The following GBE1 variants were observed in gnomAD, a reference collection of about 807,000 sequenced individuals.
GBE1 encodes the protein 1,4-alpha-glucan branching enzyme 1.
Under a neutral mutation model 88.8 loss-of-function variants are expected in GBE1, and 70 were observed. The ratio of observed to expected loss-of-function variants is 0.79; its 90% CI spans 0.65 to 0.96. The LOEUF (loss-of-function observed/expected upper bound fraction) is 0.96. Among genes scored for constraint, GBE1 ranks in the 40% least tolerant of loss-of-function variants. The pLI, the probability that GBE1 is intolerant of heterozygous loss-of-function variation, is 0.00. For synonymous variants in GBE1, 284 were observed against 300.1 expected, an observed-to-expected ratio of 0.95 and a Z score of 0.56; for missense variants, 872 against 871.0, an observed-to-expected ratio of 1.00 and a Z score of -0.01.
chr3:81,552,942 A>G (rs1703293194), intron 12 of GBE1, among the ~76,000 whole-genome samples: 1 of 152,212 alleles, frequency 6.6e-6, no homozygotes, highest in South Asian at 2.1e-4. Flanking sequence ...TTTTCAGATA[A>G]TAGATCAGGA....
intron 14 of GBE1, among the ~76,000 whole-genome samples, chr3:81,503,508 T>A (rs1023155452): frequency 7.2e-5 from 11 of 151,758 alleles, no homozygotes; most frequent in Admixed American, 5.3e-4. Context: ...CAGTCAGGAG[T>A]CTAACAACAG....
At position 81,761,572 on chromosome 3, in the gene GBE1, G is replaced by A; in HGVS notation, c.-55C>T. The A allele has an allele frequency of 1.3e-6, 2 of 1,554,918 alleles. No individual in the cohort carries two copies. Among genetic ancestry groups the A allele is most frequent in the Non-Finnish European group, 1.7e-6 (2 of 1,152,928 alleles). The stretch of plus-strand genomic sequence containing the variant: ...CGAGAGGTCGAGTGGGGCCTGAGCG[G>A]GCGCTGGAGCTCTAGCTGGGACGCG... On this transcript the variant is annotated 5_prime_UTR_variant, in exon 1 of 16. Transcript: ENST00000429644.
At chr3:81,699,575 C>T (rs1408973685) in intron 2 of GBE1, among the ~76,000 whole-genome samples, 1 of 152,114 alleles carries the variant, frequency 6.6e-6, no homozygotes, top group Non-Finnish European at 1.5e-5. Context: ...GAGAGCCACT[C>T]CAAGTCCCAA....
intron 2 of GBE1, among the ~76,000 whole-genome samples, chr3:81,692,671 G>C (rs1419113847): frequency 6.6e-6 from 1 of 152,172 alleles, no homozygotes; most frequent in Non-Finnish European, 1.5e-5. Flanking sequence ...CAATTAAAAT[G>C]TGCCTTTTTT....
intron 2 of GBE1, among the ~76,000 whole-genome samples, chr3:81,681,852 T>C (rs1158190937): frequency 6.6e-6 from 1 of 152,042 alleles, no homozygotes. Context: ...CTAGAAAACA[T>C]ACGGCAATCT....
At chr3:81,718,840 G>A (rs1050654279) in intron 1 of GBE1, among the ~76,000 whole-genome samples, 6 of 151,936 alleles carry the variant, frequency 3.9e-5, no homozygotes, top group African/African-American at 1.2e-4. Context: ...TCTCCACGTT[G>A]GTCAGGCTGG....
At chr3:81,644,412 G>T (rs533732982) in intron 6 of GBE1, among the ~76,000 whole-genome samples, 1 of 152,242 alleles carries the variant, frequency 6.6e-6, no homozygotes, top group East Asian at 1.9e-4. Flanking sequence ...AGAGCATTCA[G>T]ACAGAAAGGA....
intron 7 of GBE1, among the ~76,000 whole-genome samples, chr3:81,602,200 A>G (rs1454636387): frequency 6.6e-6 from 1 of 152,178 alleles, no homozygotes; most frequent in East Asian, 1.9e-4. Context: ...ATCATCTTAC[A>G]TTAGTTCCGA....
chr3:81,491,112 C>T (rs1702431059), intron 15 of GBE1, among the ~76,000 whole-genome samples: 1 of 152,164 alleles, frequency 6.6e-6, no homozygotes, highest in African/African-American at 2.4e-5. Flanking sequence ...ACACAACAAA[C>T]ACTCCCCTTT....
At chr3:81,543,235 G>T (rs1160059169) in intron 12 of GBE1, among the ~76,000 whole-genome samples, 2 of 151,928 alleles carry the variant, frequency 1.3e-5, no homozygotes, top group East Asian at 1.9e-4. Context: ...CCTTCAGAGA[G>T]GCCTCTTTTT....
chr3:81,739,941 T>A (rs1327967666), intron 1 of GBE1, among the ~76,000 whole-genome samples: 2 of 152,028 alleles, frequency 1.3e-5, no homozygotes, highest in Non-Finnish European at 2.9e-5. Context: ...AAAATAAAAA[T>A]CGGGCCAGGT....
At chr3:81,652,521 T>C (rs1704864810) in intron 3 of GBE1, among the ~76,000 whole-genome samples, 1 of 152,204 alleles carries the variant, frequency 6.6e-6, no homozygotes, top group South Asian at 2.1e-4. Context: ...CTCCATTTTC[T>C]CCTTCTCTCT....
intron 7 of GBE1, among the ~76,000 whole-genome samples, chr3:81,610,051 GA>G (rs1486512237): frequency 1.3e-5 from 2 of 152,176 alleles, no homozygotes; most frequent in East Asian, 3.8e-4. Flanking sequence ...AAAGTGTCAA[GA>G]AAATAATGGA....
intron 1 of GBE1, among the ~76,000 whole-genome samples, chr3:81,746,713 G>A (rs531079497): frequency 1.3e-5 from 2 of 152,110 alleles, no homozygotes; most frequent in East Asian, 1.9e-4. Flanking sequence ...AATGTGACAC[G>A]ACAGAAAAAT....
chr3:81,626,351 T>G (rs1426316509), intron 7 of GBE1, among the ~76,000 whole-genome samples: 1 of 152,186 alleles, frequency 6.6e-6, no homozygotes, highest in Non-Finnish European at 1.5e-5. Flanking sequence ...TGTACACTTA[T>G]GCAATGAAAT....
chr3:81,520,220 G>C (rs976441083), intron 14 of GBE1, among the ~76,000 whole-genome samples: 1 of 151,386 alleles, frequency 6.6e-6, no homozygotes, highest in Non-Finnish European at 1.5e-5. Context: ...TTTTCAAATT[G>C]AAAGTTTGTG....
intron 1 of GBE1, among the ~76,000 whole-genome samples, chr3:81,749,897 C>G (rs1706471754): frequency 6.6e-6 from 1 of 152,100 alleles, no homozygotes; most frequent in South Asian, 2.1e-4. Flanking sequence ...CTGCTAAAAC[C>G]AACCCTTAGG....
rs945014304 is a variant in GBE1 at position 81,530,252 on chromosome 3, C to T, written c.1934+4943G>A. 2.0e-5 allele frequency among the ~76,000 whole-genome samples: 3 copies of T among 151,830 alleles called. No individual in the cohort carries two copies. In the South Asian group the frequency reaches 6.2e-4, roughly 32 times the overall value. ...CTGTTAAATTGCATTTCACGAGCTT[C>T]CTCAAAATTGCTATTTCATTTTTTT... On this transcript the variant is annotated intron_variant, in intron 14 of 15. Transcript: ENST00000429644.
At chr3:81,675,309 T>C (rs9813155) in intron 2 of GBE1, among the ~76,000 whole-genome samples, 1 of 151,774 alleles carries the variant, frequency 6.6e-6, no homozygotes, top group Non-Finnish European at 1.5e-5. Flanking sequence ...CCTTTGAGGC[T>C]AGTGTTAATC....
Sources: gnomAD v4.1 joint callset for allele counts (sites outside exome capture counted in the v4.1 genomes callset) on GRCh38, gnomAD v4.1.1 for gene constraint, MANE v1.5 for transcripts, NCBI Gene and HGNC (gene_info 2026-07-23, HGNC 2026-07-21) for gene names.